TRAPPC2B: variants seen among roughly 807,000 people sequenced by gnomAD.
TRAPPC2B encodes MBP-1 interacting protein-2A.
In TRAPPC2B, 5 loss-of-function variants were observed where a neutral mutation model predicts 8.4. The ratio of observed to expected loss-of-function variants is 0.59; its 90% confidence interval spans 0.31 to 1.25. The LOEUF (loss-of-function observed/expected upper bound fraction) is 1.25. Among genes scored for constraint, TRAPPC2B ranks in the 50% most tolerant of loss-of-function variants. The pLI, the probability that TRAPPC2B is intolerant of heterozygous loss-of-function variation, is 0.06. For synonymous variants in TRAPPC2B, 46 were observed against 58.1 expected (o/e 0.79, Z 0.95); for missense variants, 161 against 173.2 (o/e 0.93, Z 0.40).
chr19:57,364,838 C>G lies in TRAPPC2B; in HGVS notation c.5C>G (p.Ser2Cys). The stretch of plus-strand genomic sequence containing the variant: ...AGGAGCCATATATTGAAGACCATGT[C>G]TGGAAGCTTCTACTTTGTAATTGTT... M[S>C]GSFYFVIVGH... Residue 2 changes from serine to cysteine, a missense_variant, in exon 2 of 2, where the codon TCT becomes TGT. By Grantham distance (112) the Ser-to-Cys change is moderately radical. Transcript: ENST00000543226. 2 of 1,605,570 alleles carry G rather than the reference C, an allele frequency of 1.2e-6. No individual in the cohort carries two copies. The highest frequency in any genetic ancestry group is 1.1e-5 in the South Asian group (1 of 89,904).
At chr19:57,364,441 TC>T in intron 1 of TRAPPC2B, 1 of 200,262 alleles carries the variant, frequency 5.0e-6, no homozygotes, top group Non-Finnish European at 1.0e-5. Context: ...TGGTGTAGAT[TC>T]TTCAAAAGAA....
chr19:57,364,970 T>C lies in TRAPPC2B; in HGVS notation c.137T>C (p.Leu46Pro), dbSNP rs1322328994. ...AACCAGTTCATAGCTCATGCTGCTC[T>C]CGACCTCGTAGATGAGAACATGTGG... ...HLNQFIAHAA[L>P]DLVDENMWLS... is the part of the protein sequence containing the mutation. Residue 46 changes from leucine (L) to proline (P), a missense_variant, in exon 2 of 2, where the codon CTC becomes CCC. Leu to Pro is a moderately conservative substitution (Grantham distance 98). Transcript: ENST00000543226. 1 of 1,612,990 alleles carries C rather than the reference T, an allele frequency of 6.2e-7. No homozygotes were observed. The highest frequency in any genetic ancestry group is 1.3e-5 in the African/African-American group (1 of 74,908).
intron 1 of TRAPPC2B, chr19:57,364,537 TCAAGACCAG>T (rs2088448551): frequency 2.3e-6 from 1 of 441,146 alleles, no homozygotes; most frequent in Non-Finnish European, 4.2e-6. Flanking sequence ...GGTCAGGCGT[TCAAGACCAG>T]CCTGACCAAC....
chr19:57,364,285 AAGTTGGGGAAGTC>A (rs2088446061), intron 1 of TRAPPC2B: 1 of 153,600 alleles, frequency 6.5e-6, no homozygotes, highest in African/African-American at 2.4e-5. Flanking sequence ...TGAAAGAATG[AAGTTGGGGAAGTC>A]AGCAGCATGA....
chr19:57,364,778 C>G, intron 1 of TRAPPC2B, 37 bp from the exon 2 acceptor site: 1 of 1,441,958 alleles, frequency 6.9e-7, no homozygotes, highest in Non-Finnish European at 9.6e-7. Flanking sequence ...TCCGCGGAAA[C>G]TGACATTGCG....
At chr19:57,364,465 G>GCT in intron 1 of TRAPPC2B, 1 of 220,658 alleles carries the variant, frequency 4.5e-6, no homozygotes, top group Non-Finnish European at 9.1e-6. Flanking sequence ...GAGGGTGGCC[G>GCT]GGCGTGGTGG....
intron 1 of TRAPPC2B, 141 bp downstream of exon 1, chr19:57,363,844 G>A (rs2088441867): frequency 6.6e-6 from 1 of 152,408 alleles, no homozygotes; most frequent in Non-Finnish European, 1.5e-5. Flanking sequence ...GTATCAGCTG[G>A]TTTGATGCAG....
chr19:57,365,320 G>C lies in TRAPPC2B; in HGVS notation c.*64G>C. The C allele has an allele frequency of 9.1e-7, 1 of 1,099,898 alleles. No homozygotes were observed. The allele number at this position is 1,099,898 out of a possible 1,614,324, so 68.1% of individuals were successfully genotyped here. On this transcript the variant is annotated 3_prime_UTR_variant, in exon 2 of 2. Coordinates refer to ENST00000543226, the MANE Select transcript of TRAPPC2B (RefSeq NM_001355204.2). ...GTGTATACTCAGGAATGTGTACATTGTAAATTACTTGATTAAATAGCCTGG... is the reference window on the plus strand; with the variant it reads ...GTGTATACTCAGGAATGTGTACATTCTAAATTACTTGATTAAATAGCCTGG...
chr19:57,364,858 A>G lies in TRAPPC2B; in HGVS notation c.25A>G (p.Ile9Val), dbSNP rs2088452572. The change falls in exon 2 of 2, where the codon ATT (isoleucine) becomes GTT (valine). Residue 9 changes from isoleucine (I) to valine (V), a missense_variant. By Grantham distance (29) the Ile-to-Val change is conservative (BLOSUM62 3). Transcript: ENST00000543226. MSGSFYFV[I>V]VGHHDNPVFE... ...CATGTCTGGAAGCTTCTACTTTGTA[A>G]TTGTTGGTCACCATGATAATCCAGT... is the stretch of plus-strand genomic sequence containing the variant. 1 of 1,610,348 alleles carries G rather than the reference A, an allele frequency of 6.2e-7. No homozygotes were observed. The highest frequency in any genetic ancestry group is 8.5e-7 in the Non-Finnish European group (1 of 1,177,658).
chr19:57,364,578 T>TA, intron 1 of TRAPPC2B: 1 of 538,918 alleles, frequency 1.9e-6, no homozygotes, highest in Middle Eastern at 5.0e-4. Context: ...CCGTCTTTAG[T>TA]AAAAATACAA....
At chr19:57,363,930 A>C (rs2088442433) in intron 1 of TRAPPC2B, 1 of 152,318 alleles carries the variant, frequency 6.6e-6, no homozygotes, top group Admixed American at 6.5e-5. Context: ...GGGAGCCCGG[A>C]GTGTGGGTTG....
At chr19:57,364,291 G>C (rs968122588) in intron 1 of TRAPPC2B, 7 of 154,202 alleles carry the variant, frequency 4.5e-5, no homozygotes, top group African/African-American at 1.7e-4. Context: ...AATGAAGTTG[G>C]GGAAGTCAGC....
intron 1 of TRAPPC2B, chr19:57,364,043 G>T (rs987848343): frequency 3.8e-4 from 58 of 152,440 alleles, no homozygotes; most frequent in African/African-American, 1.3e-3. Context: ...AGTGGGAGGG[G>T]CAGGTCCAGA....
intron 1 of TRAPPC2B, 176 bp from the exon 2 acceptor site, chr19:57,364,639 G>T: frequency 1.6e-6 from 1 of 607,768 alleles, no homozygotes; most frequent in South Asian, 2.0e-5. Flanking sequence ...TATTCGGGAG[G>T]CTGAGGCAGG....
In TRAPPC2B at chr19:57,364,807, C is replaced by T. The variant is rs749205226; in HGVS notation, c.-19-8C>T. 3 of 1,566,448 alleles carry T rather than the reference C, an allele frequency of 1.9e-6. No individual in the cohort carries two copies. Among genetic ancestry groups the T allele is most frequent in the African/African-American group, 1.4e-5 (1 of 73,780 alleles). The stretch of plus-strand genomic sequence containing the variant: ...CATTGCGTTTCCGTTGTCGGCCTCC[C>T]GCTGCAGGAGCCATATATTGAAGAC... On this transcript the variant is annotated splice_polypyrimidine_tract_variant and splice_region_variant and intron_variant, in intron 1 of 1. Coordinates refer to ENST00000543226, the MANE Select transcript of TRAPPC2B (RefSeq NM_001355204.2).
At position 57,365,021 on chromosome 19, in the gene TRAPPC2B, C is replaced by G; in HGVS notation, c.188C>G (p.Thr63Ser). The change falls in exon 2 of 2, where the codon ACT becomes AGT. Residue 63 changes from threonine (T) to serine (S), a missense_variant. Transcript: ENST00000543226. ...CTGTCGAACAACATGTACTTGAAAA[C>G]TGTGGACAAGTTCAACGAGTGGTTT... Reference protein sequence around the residue: ...MWLSNNMYLKTVDKFNEWFVS... With the variant: ...MWLSNNMYLKSVDKFNEWFVS... 5 of 1,612,474 alleles carry G rather than the reference C, an allele frequency of 3.1e-6. No individual in the cohort carries two copies. In the South Asian group the frequency reaches 3.3e-5, roughly 11 times the overall value.
chr19:57,365,268 T>C lies in TRAPPC2B; in HGVS notation c.*12T>C. On this transcript the variant is annotated 3_prime_UTR_variant, in exon 2 of 2. Transcript: ENST00000543226. ...ACCTTTTAAGCTGAATGGAGAAAAT[T>C]CCAAAATAAATTATATCACCACAAT... 1.3e-6 allele frequency: 2 copies of C among 1,524,164 alleles called. No homozygotes were observed. Among genetic ancestry groups the C allele is most frequent in the Non-Finnish European group, 8.9e-7 (1 of 1,120,692 alleles). 94.4% of individuals were successfully genotyped at this position (1,524,164 alleles called of 1,614,324 possible).
At chr19:57,364,445 C>A in intron 1 of TRAPPC2B, 1 of 191,090 alleles carries the variant, frequency 5.2e-6, no homozygotes. Flanking sequence ...GTAGATTCTT[C>A]AAAAGAATAG....
In TRAPPC2B at chr19:57,364,557, A is replaced by G. The variant is rs559249566; in HGVS notation, c.-19-258A>G. The G allele has an allele frequency of 2.7e-5, 13 of 485,064 alleles. No individual in the cohort carries two copies. In the Middle Eastern group the frequency reaches 1.8e-3, roughly 65 times the overall value. 30.0% of individuals were successfully genotyped at this position (485,064 alleles called of 1,614,324 possible). ...GGCGTTCAAGACCAGCCTGACCAAC[A>G]TGGTGAAACCCCGTCTTTAGTAAAA... On this transcript the variant is annotated intron_variant, in intron 1 of 1. Transcript: ENST00000543226.
Sources: allele counts gnomAD v4.1 joint callset, GRCh38; gene constraint gnomAD v4.1.1; transcripts MANE v1.5; gene names NCBI Gene and HGNC (gene_info 2026-07-23, HGNC 2026-07-21).